MRC2: variants seen among roughly 807,000 people sequenced by gnomAD.
The protein encoded by MRC2 is mannose receptor C-type 2.
In MRC2, 84 loss-of-function variants were observed where a neutral mutation model predicts 206.2. That is an observed-to-expected ratio of 0.41 (90% CI 0.34 to 0.49). The LOEUF is 0.49. Ranked by LOEUF, MRC2 falls within the 20% of genes least tolerant of loss-of-function variation. MRC2 has a pLI of 0.31. For missense variants in MRC2, 1,676 were observed against 2,001.5 expected, an observed-to-expected ratio of 0.84 and a Z score of 3.10; for synonymous variants, 798 against 800.0, an observed-to-expected ratio of 1.00 and a Z score of 0.04.
rs1236396015 is a variant in MRC2 at position 62,652,719 on chromosome 17, G to C, written c.119-11829G>C. On this transcript the variant is annotated intron_variant, in intron 1 of 29. Transcript: ENST00000303375. The surrounding 1 kb of genome is among the most constrained non-coding windows in gnomAD (Gnocchi z 4.6). Reference sequence around the variant, plus strand: ...GGGGCGCACGGCGGTGGAGGGAGGGGCGCCCAGTGGAGAGGGGGCTCACGG... The same window carrying C: ...GGGGCGCACGGCGGTGGAGGGAGGGCCGCCCAGTGGAGAGGGGGCTCACGG... Among the ~76,000 whole-genome samples the C allele has an allele frequency of 6.6e-6, 1 of 151,156 alleles. No homozygotes were observed. Among genetic ancestry groups the C allele is most frequent in the East Asian group, 2.0e-4 (1 of 5,092 alleles).
chr17:62,628,021 C>CA, intron 1 of MRC2, 101 bp downstream of exon 1: 4 of 773,468 alleles, frequency 5.2e-6, no homozygotes, highest in Non-Finnish European at 7.4e-6. Context: ...CCTCTTTTCT[C>CA]CAGAAGCGTG....
rs528981977 is a variant in MRC2 at position 62,677,419 on chromosome 17, C to T, written c.1985C>T (p.Thr662Met). 1.5e-5 allele frequency: 24 copies of T among 1,611,720 alleles called. 1 individual carries two copies. The South Asian group carries it at 1.9e-4, about 13-fold the overall frequency. The stretch of plus-strand genomic sequence containing the variant: ...CCGGAGCTGCCGGGGCCAGATCCCA[C>T]GCCCAGCCTCACTGGCTCCTGTCCC... ...VTPELPGPDP[T>M]PSLTGSCPQG... Residue 662 changes from threonine (T) to methionine (M), a missense_variant, in exon 12 of 30, where the codon ACG (threonine) becomes ATG (methionine). This residue lies in a region of MRC2 where 1,354 missense variants were observed against 1,636.6 expected (regional missense o/e 0.83). Transcript: ENST00000303375.
In MRC2 at chr17:62,664,067, C is replaced by T. The variant is rs897587529; in HGVS notation, c.119-481C>T. ...CTCCGCCTCCCGGGTTCACGCCATTCTCCTGCCTCAGCCTCCCAAGTAGCT... is the reference window on the plus strand; with the variant it reads ...CTCCGCCTCCCGGGTTCACGCCATTTTCCTGCCTCAGCCTCCCAAGTAGCT... On this transcript the variant is annotated intron_variant, in intron 1 of 29. Transcript: ENST00000303375. The surrounding 1 kb of genome is among the most constrained non-coding windows in gnomAD (Gnocchi z 4.7). Among the ~76,000 whole-genome samples the T allele has an allele frequency of 5.2e-4, 77 of 149,328 alleles. No homozygotes were observed. Among genetic ancestry groups the T allele is most frequent in the South Asian group, 4.3e-4 (2 of 4,692 alleles).
In MRC2 at chr17:62,680,592, G is replaced by C. The variant is rs986228315; in HGVS notation, c.2473+139G>C. The stretch of plus-strand genomic sequence containing the variant: ...GAAGGGGGACGGGGTTGGCTCGGAC[G>C]GAGGCAGCCACAGCCCTGTTTGCTT... On this transcript the variant is annotated intron_variant, in intron 16 of 29. Transcript: ENST00000303375. The surrounding 1 kb of genome is among the most constrained non-coding windows in gnomAD (Gnocchi z 4.8). 6 of 1,351,526 alleles carry C rather than the reference G, an allele frequency of 4.4e-6. No homozygotes were observed. The African/African-American group carries it at 5.8e-5, about 13-fold the overall frequency. The allele number at this position is 1,351,526 out of a possible 1,614,324, so 83.7% of individuals were successfully genotyped here. A position where few individuals can be genotyped will look rare whatever the true frequency, so the allele number is the denominator to read the frequency against.
At chr17:62,690,406 A>G in intron 26 of MRC2, 101 bp downstream of exon 26, 1 of 1,453,492 alleles carries the variant, frequency 6.9e-7, no homozygotes, top group Non-Finnish European at 9.2e-7. Context: ...CTCTACCCAT[A>G]GGCAGCACTT....
At chr17:62,679,563 G>A (rs1028914752) in intron 13 of MRC2, 1 of 360,614 alleles carries the variant, frequency 2.8e-6, no homozygotes, top group Non-Finnish European at 5.0e-6. Context: ...AAAGGGGAGG[G>A]GCCACTGCCC....
intron 1 of MRC2, among the ~76,000 whole-genome samples, chr17:62,639,775 C>G (rs1338100278): frequency 6.6e-6 from 1 of 152,124 alleles, no homozygotes; most frequent in African/African-American, 2.4e-5. Flanking sequence ...CAGGCTTGAG[C>G]CACAGCCTTT....
intron 1 of MRC2, among the ~76,000 whole-genome samples, chr17:62,644,866 G>A (rs570768557): frequency 6.6e-6 from 1 of 152,246 alleles, no homozygotes; most frequent in South Asian, 2.1e-4. Context: ...AGCTGGTTCT[G>A]TGTCTGCAGG....
rs949884128 is a variant in MRC2, at chr17:62,667,169, G to A, written c.974-221G>A. 1.1e-4 allele frequency among the ~76,000 whole-genome samples: 16 copies of A among 152,204 alleles called. No individual in the cohort carries two copies. The highest frequency in any genetic ancestry group is 3.6e-4 in the African/African-American group (15 of 41,454). ...GGACGGGGAGGCCGGGGCGGGGCTG[G>A]TACTGGTTACTGGGTAGAAGGTTCA... On this transcript the variant is annotated intron_variant, in intron 5 of 29. Transcript: ENST00000303375. This position sits in a 1 kb window ranked among gnomAD's most constrained non-coding sequence, Gnocchi z 4.1.
intron 1 of MRC2, among the ~76,000 whole-genome samples, chr17:62,637,805 C>T (rs1377473673): frequency 6.6e-6 from 1 of 152,216 alleles, no homozygotes; most frequent in Non-Finnish European, 1.5e-5. Context: ...GTCCCTCAAA[C>T]ACCTCCAGAG....
intron 12 of MRC2, 34 bp from the exon 13 acceptor site, chr17:62,678,467 TGGG>T: frequency 2.5e-6 from 4 of 1,598,516 alleles, no homozygotes; most frequent in Non-Finnish European, 3.4e-6. Flanking sequence ...GGTGGGCCAG[TGGG>T]GACAGCTTAG....
In MRC2 at chr17:62,627,767, C is replaced by A; in HGVS notation, c.-36C>A. The A allele has an allele frequency of 7.3e-7, 1 of 1,367,644 alleles. No homozygotes were observed. The highest frequency in any genetic ancestry group is 1.7e-5 in the South Asian group (1 of 58,778). 84.7% of individuals were successfully genotyped at this position (1,367,644 alleles called of 1,614,324 possible). On this transcript the variant is annotated 5_prime_UTR_variant, in exon 1 of 30. Transcript: ENST00000303375. The stretch of plus-strand genomic sequence containing the variant: ...CCACAGCGCGTTGCGCCTGTGCGCC[C>A]TCGGTCCCCGCGTCCACTGAGCGCC...
At chr17:62,670,019 C>A (rs1762655577) in intron 6 of MRC2, among the ~76,000 whole-genome samples, 1 of 152,112 alleles carries the variant, frequency 6.6e-6, no homozygotes, top group African/African-American at 2.4e-5. Flanking sequence ...AGGAAGGGGC[C>A]CGCTGGGAGG....
At chr17:62,682,139 C>G in intron 19 of MRC2, 96 bp from the exon 20 acceptor site, 1 of 1,345,156 alleles carries the variant, frequency 7.4e-7, no homozygotes, top group Non-Finnish European at 1.0e-6. Flanking sequence ...AGCCTCTGCC[C>G]AGACTCCTCT....
chr17:62,678,733 C>T (rs2088925029), intron 13 of MRC2, 87 bp downstream of exon 13: 6 of 1,554,822 alleles, frequency 3.9e-6, no homozygotes, highest in Admixed American at 2.1e-5. Context: ...TTTTGTTGGG[C>T]GAGCAGGGGG....
intron 1 of MRC2, among the ~76,000 whole-genome samples, chr17:62,628,634 G>A (rs2084190416): frequency 6.6e-6 from 1 of 152,142 alleles, no homozygotes; most frequent in African/African-American, 2.4e-5. Context: ...GACCTTGAGC[G>A]GCAAAAGAGC....
In MRC2 at chr17:62,664,945, C is replaced by T; in HGVS notation, c.516C>T (p.Tyr172=). The T allele has an allele frequency of 6.2e-7, 1 of 1,601,382 alleles. No individual in the cohort carries two copies. The highest frequency in any genetic ancestry group is 8.5e-7 in the Non-Finnish European group (1 of 1,174,538). ...GSEEDLCALP[Y]HEVYTIQGNS... ...AGGAGGACCTATGTGCTCTGCCCTACCACGGTGAGGGGCCGCTTGCAGGCG... is the reference window on the plus strand; with the variant it reads ...AGGAGGACCTATGTGCTCTGCCCTATCACGGTGAGGGGCCGCTTGCAGGCG... Residue 172 remains tyrosine (Y), a synonymous_variant, in exon 2 of 30, where the codon TAC becomes TAT. Transcript: ENST00000303375. This position sits in a 1 kb window ranked among gnomAD's most constrained non-coding sequence, Gnocchi z 4.7.
chr17:62,675,941 C>A lies in MRC2; in HGVS notation c.1685+36C>A. 6.4e-7 allele frequency: 1 copy of A among 1,561,716 alleles called. No individual in the cohort carries two copies. ...GGCGGGTGCCCTGACTAGCCCTTGC[C>A]CATGTCTGGGCCTATTGTGGTCCCT... On this transcript the variant is annotated intron_variant, in intron 10 of 29. Coordinates refer to ENST00000303375, the MANE Select transcript of MRC2 (RefSeq NM_006039.5). The surrounding 1 kb of genome is among the most constrained non-coding windows in gnomAD (Gnocchi z 4.1).
Position 62,665,016 on chromosome 17 carries a change from C to A in MRC2, c.520+67C>A, listed in dbSNP as rs2088732689. 8.7e-6 allele frequency: 13 copies of A among 1,499,288 alleles called. No homozygotes were observed. In the South Asian group the frequency reaches 1.7e-4, roughly 20 times the overall value. The allele number at this position is 1,499,288 out of a possible 1,614,324, so 92.9% of individuals were successfully genotyped here. On this transcript the variant is annotated intron_variant, in intron 2 of 29. Coordinates refer to ENST00000303375, the MANE Select transcript of MRC2 (RefSeq NM_006039.5). ...TCCAGGGGACTGGAGCCATGAGGGA[C>A]AGATTCCCAGTGACAAGGCCTTTGG...
Sources: allele counts gnomAD v4.1 joint callset (sites outside exome capture counted in the v4.1 genomes callset), GRCh38; gene constraint gnomAD v4.1.1; regional missense constraint gnomAD v4.1.1; non-coding constraint Gnocchi (gnomAD v3.1); transcripts MANE v1.5; gene names NCBI Gene and HGNC (gene_info 2026-07-23, HGNC 2026-07-21).